The following NAV3 variants were observed in gnomAD, a reference collection of about 807,000 sequenced individuals.
The protein encoded by NAV3 is pore membrane and/or filament interacting like protein 1.
In NAV3, 87 loss-of-function variants were observed where a neutral mutation model predicts 244.7. The ratio of observed to expected loss-of-function variants is 0.36; its 90% CI spans 0.30 to 0.42. The LOEUF is 0.42. NAV3 is among the 20% of genes least tolerant of loss of function. The probability of loss-of-function intolerance (pLI) is 1.00; values close to 1 mark genes in which losing one functional copy is unlikely to be tolerated. For missense variants in NAV3, 2,663 were observed against 2,893.3 expected, an observed-to-expected ratio of 0.92 and a Z score of 1.83; for synonymous variants, 1,126 against 1,042.2, an observed-to-expected ratio of 1.08 and a Z score of -1.55.
intron 2 of NAV3, among the ~76,000 whole-genome samples, chr12:77,717,529 G>T (rs1876416134): frequency 6.6e-6 from 1 of 151,902 alleles, no homozygotes; most frequent in Admixed American, 6.6e-5. Flanking sequence ...TTCATCAGTG[G>T]ACATTTATGT....
intron 28 of NAV3, 93 bp from the exon 29 acceptor site, chr12:78,179,436 G>A: frequency 6.8e-7 from 1 of 1,464,304 alleles, no homozygotes; most frequent in South Asian, 1.2e-5. Context: ...GTACCTGCTG[G>A]AGAATATTGC....
intron 2 of NAV3, among the ~76,000 whole-genome samples, chr12:77,821,089 A>C (rs1457514168): frequency 6.0e-5 from 3 of 50,360 alleles, no homozygotes; most frequent in Non-Finnish European, 3.2e-4. Flanking sequence ...ACATGTTCGC[A>C]CAAACACACA....
At chr12:77,933,758 G>T (rs963632168) in intron 1 of NAV3, among the ~76,000 whole-genome samples, 1 of 152,158 alleles carries the variant, frequency 6.6e-6, no homozygotes, top group African/African-American at 2.4e-5. Context: ...CATGAGATTG[G>T]ACTCATTCAC....
At chr12:78,113,431 C>T (rs973058091) in intron 12 of NAV3, among the ~76,000 whole-genome samples, 1 of 152,234 alleles carries the variant, frequency 6.6e-6, no homozygotes, top group Non-Finnish European at 1.5e-5. Context: ...TCCTTACATC[C>T]TCTGGAATCT....
intron 9 of NAV3, 60 bp downstream of exon 9, chr12:78,021,922 A>G (rs1877226485): frequency 9.5e-7 from 1 of 1,055,868 alleles, no homozygotes; most frequent in South Asian, 1.4e-5. Context: ...TCTCCATAAG[A>G]CTTTTTATTA....
chr12:77,594,455 T>G (rs1258423638), intron 2 of NAV3, among the ~76,000 whole-genome samples: 2 of 152,190 alleles, frequency 1.3e-5, no homozygotes, highest in Non-Finnish European at 2.9e-5. Context: ...ACAGAAATAC[T>G]GTACACTAAT....
At chr12:77,576,413 C>G (rs1264457412) in intron 2 of NAV3, among the ~76,000 whole-genome samples, 1 of 151,930 alleles carries the variant, frequency 6.6e-6, no homozygotes, top group Non-Finnish European at 1.5e-5. Context: ...TGACATCAAA[C>G]AGAAGCGTGG....
At chr12:77,771,744 C>T (rs1870098557) in intron 2 of NAV3, among the ~76,000 whole-genome samples, 1 of 151,676 alleles carries the variant, frequency 6.6e-6, no homozygotes, top group Non-Finnish European at 1.5e-5. Flanking sequence ...AGGGGAACAT[C>T]ACAATCCGGG....
chr12:78,119,308 C>T lies in NAV3; in HGVS notation c.3112C>T (p.Pro1038Ser), dbSNP rs866690867. 5 of 1,614,056 alleles carry T rather than the reference C, an allele frequency of 3.1e-6. No homozygotes were observed. Among genetic ancestry groups the T allele is most frequent in the Admixed American group, 3.3e-5 (2 of 59,994 alleles). The change falls in exon 15 of 40, where the codon CCT becomes TCT. Residue 1038 changes from proline to serine, a missense_variant. This residue lies in a region of NAV3 where 1,521 missense variants were observed against 1,497.0 expected (regional missense o/e 1.02). Transcript: ENST00000397909. ...PLKGSSLQRS[P>S]SDAGKSSGDE... is the part of the protein sequence containing the mutation. ...AAAAGGATCATCTCTACAAAGATCT[C>T]CTTCAGATGCAGGAAAAAGCAGTGG... is the stretch of plus-strand genomic sequence containing the variant.
intron 39 of NAV3, among the ~76,000 whole-genome samples, chr12:78,207,935 T>C (rs1400005992): frequency 6.6e-6 from 1 of 152,136 alleles, no homozygotes; most frequent in Non-Finnish European, 1.5e-5. Context: ...GCAGATTAGA[T>C]GGTACCAGTG....
chr12:77,865,443 C>T (rs935437259), intron 1 of NAV3, among the ~76,000 whole-genome samples: 10 of 151,868 alleles, frequency 6.6e-5, no homozygotes, highest in Non-Finnish European at 1.5e-4. Context: ...AATATATTTT[C>T]AAAGGGAGAA....
chr12:78,016,375 A>G (rs1417715950), intron 8 of NAV3, among the ~76,000 whole-genome samples: 4 of 152,054 alleles, frequency 2.6e-5, no homozygotes, highest in Non-Finnish European at 5.9e-5. Context: ...ATTCCAACTC[A>G]ACACCACAGT....
intron 18 of NAV3, among the ~76,000 whole-genome samples, chr12:78,135,857 A>G (rs75023505): frequency 9.9e-4 from 151 of 151,886 alleles, no homozygotes; most frequent in African/African-American, 3.5e-3. Flanking sequence ...TTTTTTTCCA[A>G]TAGATTGTGC....
chr12:77,757,677 T>C (rs909619745), intron 2 of NAV3, among the ~76,000 whole-genome samples: 1 of 152,198 alleles, frequency 6.6e-6, no homozygotes, highest in Non-Finnish European at 1.5e-5. Context: ...TGATTTGGAC[T>C]TTTTAAGTAA....
At chr12:77,897,130 C>G (rs145391334) in intron 1 of NAV3, among the ~76,000 whole-genome samples, 55 of 152,300 alleles carry the variant, frequency 3.6e-4, no homozygotes, top group African/African-American at 1.2e-3. Context: ...TTGACAAGCA[C>G]CAGTCTAGGA....
At chr12:77,665,509 G>A (rs925469765) in intron 2 of NAV3, among the ~76,000 whole-genome samples, 23 of 152,026 alleles carry the variant, frequency 1.5e-4, no homozygotes, top group Admixed American at 1.4e-3. Flanking sequence ...ATTCTCTTTT[G>A]TTAGAAAGTT....
intron 2 of NAV3, among the ~76,000 whole-genome samples, chr12:77,606,831 A>G (rs1211044400): frequency 6.6e-6 from 1 of 152,084 alleles, no homozygotes; most frequent in Non-Finnish European, 1.5e-5. Flanking sequence ...AAGAGAATCT[A>G]TGTCCCAAAC....
chr12:77,663,685 C>A (rs1194837606), intron 2 of NAV3, among the ~76,000 whole-genome samples: 1 of 152,120 alleles, frequency 6.6e-6, no homozygotes, highest in Non-Finnish European at 1.5e-5. Context: ...CCATGCCCAG[C>A]TAATTTTGTA....
intron 2 of NAV3, among the ~76,000 whole-genome samples, chr12:77,705,034 C>G (rs1875731078): frequency 6.6e-6 from 1 of 152,198 alleles, no homozygotes; most frequent in Non-Finnish European, 1.5e-5. Flanking sequence ...ATGGAGTAGT[C>G]TCATTTTAGC....
Sources: allele counts gnomAD v4.1 joint callset (sites outside exome capture counted in the v4.1 genomes callset), GRCh38; gene constraint gnomAD v4.1.1; regional missense constraint gnomAD v4.1.1; transcripts MANE v1.5; gene names NCBI Gene and HGNC (gene_info 2026-07-23, HGNC 2026-07-21).